The following SRCIN1 variants were observed in gnomAD, a reference collection of about 807,000 sequenced individuals.
SRCIN1 encodes P130Cas-associated protein.
In SRCIN1, 50 loss-of-function variants were observed where a neutral mutation model predicts 116.2. That is an observed-to-expected ratio of 0.43 (90% CI 0.34 to 0.54). SRCIN1 has a LOEUF of 0.54. Ranked by LOEUF, SRCIN1 falls within the 20% of genes least tolerant of loss-of-function variation. The probability of loss-of-function intolerance (pLI) is 0.02; values close to 1 mark genes in which losing one functional copy is unlikely to be tolerated. For synonymous variants in SRCIN1, 736 were observed against 750.0 expected (o/e 0.98, Z 0.30); for missense variants, 1,446 against 1,672.0 (o/e 0.86, Z 2.36).
intron 1 of SRCIN1, among the ~76,000 whole-genome samples, chr17:38,603,379 G>A (rs1909172927): frequency 6.6e-6 from 1 of 150,814 alleles, no homozygotes; most frequent in Admixed American, 6.6e-5. Flanking sequence ...CAAGTAGAGG[G>A]GCAGGGGAAA....
intron 3 of SRCIN1, among the ~76,000 whole-genome samples, chr17:38,565,784 C>A (rs72823873): frequency 6.6e-6 from 1 of 152,208 alleles, no homozygotes; most frequent in Non-Finnish European, 1.5e-5. Context: ...ATAGATCAGA[C>A]GTGGGGACAT....
Position 38,563,974 on chromosome 17 carries a change from G to T in SRCIN1, c.541+144C>A. 1 of 897,760 alleles carries T rather than the reference G, an allele frequency of 1.1e-6. No individual in the cohort carries two copies. The highest frequency in any genetic ancestry group is 1.7e-6 in the Non-Finnish European group (1 of 589,954). 55.6% of individuals were successfully genotyped at this position (897,760 alleles called of 1,614,324 possible). A position where few individuals can be genotyped will look rare whatever the true frequency, so the allele number is the denominator to read the frequency against. ...GCGAGAGAGAGATGGAGAGAGCTGG[G>T]GTTGCTTGGGGAGAAGGGGCTGTGG... On this transcript the variant is annotated intron_variant, in intron 4 of 18. Coordinates refer to ENST00000617146, the MANE Select transcript of SRCIN1 (RefSeq NM_025248.3). The surrounding 1 kb of genome is among the most constrained non-coding windows in gnomAD (Gnocchi z 5.8).
chr17:38,567,604 G>A (rs554780754), intron 3 of SRCIN1, among the ~76,000 whole-genome samples: 1 of 152,094 alleles, frequency 6.6e-6, no homozygotes, highest in Non-Finnish European at 1.5e-5. Context: ...TCTCCCAGGG[G>A]TCAACAGGAT....
Position 38,602,072 on chromosome 17 carries a change from C to T in SRCIN1, c.22+3612G>A, listed in dbSNP as rs147205104. On this transcript the variant is annotated intron_variant, in intron 1 of 18. Transcript: ENST00000617146. The surrounding 1 kb of genome is among the most constrained non-coding windows in gnomAD (Gnocchi z 4.2). ...GGGGAGTGCTCTGGAGCCCAGGTAT[C>T]GGGTAGAGGAACCCTGACCCCGAGG... is the stretch of plus-strand genomic sequence containing the variant. Among the ~76,000 whole-genome samples, 561 of 152,174 alleles carry T rather than the reference C, an allele frequency of 3.7e-3. 2 individuals carry two copies. The highest frequency in any genetic ancestry group is 0.013 in the African/African-American group (542 of 41,482).
rs1567870203 is a variant in SRCIN1 at position 38,568,239 on chromosome 17, TG to T, written c.325-9del. 1 of 1,612,474 alleles carries T rather than the reference TG, an allele frequency of 6.2e-7. No individual in the cohort carries two copies. The highest frequency in any genetic ancestry group is 8.5e-7 in the Non-Finnish European group (1 of 1,179,464). On this transcript the variant is annotated splice_polypyrimidine_tract_variant and intron_variant, in intron 2 of 18. Coordinates refer to ENST00000617146, the MANE Select transcript of SRCIN1 (RefSeq NM_025248.3). The surrounding 1 kb of genome is among the most constrained non-coding windows in gnomAD (Gnocchi z 4.5). ...GAAACTCCAGTAGTTTGGCTGCTGATGGAAATAAGAGAAGAGATGGTTATGA... is the reference window on the plus strand; with the variant it reads ...GAAACTCCAGTAGTTTGGCTGCTGATGAAATAAGAGAAGAGATGGTTATGA...
chr17:38,566,040 G>A (rs150026992), intron 3 of SRCIN1, among the ~76,000 whole-genome samples: 78 of 152,288 alleles, frequency 5.1e-4, no homozygotes, highest in Admixed American at 1.0e-3. Context: ...CTGGTCTGGT[G>A]GTCATGGGGT....
Position 38,604,550 on chromosome 17 carries a change from G to A in SRCIN1, c.22+1134C>T, listed in dbSNP as rs1463679310. 2 of 454,642 alleles carry A rather than the reference G, an allele frequency of 4.4e-6. No homozygotes were observed. The highest frequency in any genetic ancestry group is 7.1e-5 in the East Asian group (1 of 14,178). The allele number at this position is 454,642 out of a possible 1,614,324, so 28.2% of individuals were successfully genotyped here. The stretch of plus-strand genomic sequence containing the variant: ...GGGAGAGCGGGCTCTGCCCTCCGCC[G>A]TCCTCTCCCACCAGGCCAGGGCAAA... On this transcript the variant is annotated intron_variant, in intron 1 of 18. Coordinates refer to ENST00000617146, the MANE Select transcript of SRCIN1 (RefSeq NM_025248.3). This position sits in a 1 kb window ranked among gnomAD's most constrained non-coding sequence, Gnocchi z 4.3.
rs758442857 is a variant in SRCIN1 at position 38,561,890 on chromosome 17, C to A, written c.1273G>T (p.Gly425Cys). The change falls in exon 7 of 19, where the codon GGC becomes TGC. Residue 425 changes from glycine (G) to cysteine (C), a missense_variant. Around this residue, in one of 5 missense-constraint regions of SRCIN1, gnomAD observed 239 missense variants for 317.7 expected, o/e 0.75. Coordinates refer to ENST00000617146, the MANE Select transcript of SRCIN1 (RefSeq NM_025248.3). ...CGCACCGAGCCGCGCTTGTAGAGGC[C>A]GCCGGCGCCCGGGTAGGCGAACGGG... The part of the protein sequence containing the change: ...GDPFAYPGAG[G>C]LYKRGSVRSL... The A allele has an allele frequency of 1.4e-6, 2 of 1,444,666 alleles. No homozygotes were observed. Among genetic ancestry groups the A allele is most frequent in the Middle Eastern group, 2.4e-4 (1 of 4,126 alleles). 89.5% of individuals were successfully genotyped at this position (1,444,666 alleles called of 1,614,324 possible).
Position 38,552,764 on chromosome 17 carries a change from C to T in SRCIN1, c.2293G>A (p.Val765Met). 1 of 1,614,008 alleles carries T rather than the reference C, an allele frequency of 6.2e-7. No individual in the cohort carries two copies. Among genetic ancestry groups the T allele is most frequent in the African/African-American group, 1.3e-5 (1 of 75,056 alleles). The stretch of plus-strand genomic sequence containing the variant: ...AGCGTCTCCCCGAGCTGCTTCAGCA[C>T]CAGTGCCTTCTCCTCCAGCTCAGGG... ...PGPELEEKAL[V>M]LKQLGETLTE... Residue 765 changes from valine to methionine, a missense_variant, in exon 12 of 19, where the codon GTG becomes ATG. Val to Met is a conservative substitution (Grantham distance 21). Transcript: ENST00000617146. This position sits in a 1 kb window ranked among gnomAD's most constrained non-coding sequence, Gnocchi z 5.3.
Position 38,578,388 on chromosome 17 carries a change from C to T in SRCIN1, c.324+102G>A, listed in dbSNP as rs1438600705. On this transcript the variant is annotated intron_variant, in intron 2 of 18. Transcript: ENST00000617146. ...TTCCCTCTCTGCTCCAGATGCCTCCCAGAGTTGGAATGAGCCTGGGGACAC... is the reference window on the plus strand; with the variant it reads ...TTCCCTCTCTGCTCCAGATGCCTCCTAGAGTTGGAATGAGCCTGGGGACAC... 2.2e-6 allele frequency: 3 copies of T among 1,372,354 alleles called. No individual in the cohort carries two copies. The African/African-American group carries it at 4.5e-5, about 20-fold the overall frequency. 85.0% of individuals were successfully genotyped at this position (1,372,354 alleles called of 1,614,324 possible).
chr17:38,553,375 C>T (rs1178317821), intron 11 of SRCIN1, among the ~76,000 whole-genome samples: 1 of 152,258 alleles, frequency 6.6e-6, no homozygotes, highest in African/African-American at 2.4e-5. Flanking sequence ...CCTGCACCAT[C>T]TGCCCCCTTG....
At chr17:38,605,262 CT>C (rs1909295199) in intron 1 of SRCIN1, among the ~76,000 whole-genome samples, 1 of 150,814 alleles carries the variant, frequency 6.6e-6, no homozygotes, top group Admixed American at 6.6e-5. Flanking sequence ...TTCCCCTCCC[CT>C]GCATCCTCCA....
chr17:38,578,561 C>T lies in SRCIN1; in HGVS notation c.253G>A (p.Asp85Asn), dbSNP rs754614937. ...TGTGGGTACTTGCTCTTCAGGTGGTCCATGAAGGCATCACGCTTGCGGTCG... is the reference window on the plus strand; with the variant it reads ...TGTGGGTACTTGCTCTTCAGGTGGTTCATGAAGGCATCACGCTTGCGGTCG... ...DADRKRDAFM[D>N]HLKSKYPQHA... The change falls in exon 2 of 19, where the codon GAC (aspartate) becomes AAC (asparagine). Residue 85 changes from aspartate (D) to asparagine (N), a missense_variant. Physicochemically the swap from Asp to Asn is conservative, Grantham distance 23. Around this residue, in one of 5 missense-constraint regions of SRCIN1, gnomAD observed 246 missense variants for 265.1 expected, o/e 0.93. Coordinates refer to ENST00000617146, the MANE Select transcript of SRCIN1 (RefSeq NM_025248.3). The T allele has an allele frequency of 5.6e-6, 9 of 1,611,124 alleles. No individual in the cohort carries two copies. The highest frequency in any genetic ancestry group is 2.2e-5 in the East Asian group (1 of 44,778).
chr17:38,531,330 GCCCGCCCCCCAGCCCCCCTCC>G lies in SRCIN1; in HGVS notation c.*1946_*1966del, dbSNP rs1372752615. Reference sequence around the variant, plus strand: ...GGGACCACAGAAGCCAGGCCGACGTGCCCGCCCCCCAGCCCCCCTCCCCCGCCAAAACAGTGGCCAGGGAGA... The same window carrying G: ...GGGACCACAGAAGCCAGGCCGACGTGCCCGCCAAAACAGTGGCCAGGGAGA... On this transcript the variant is annotated 3_prime_UTR_variant, in exon 19 of 19. Coordinates refer to ENST00000617146, the MANE Select transcript of SRCIN1 (RefSeq NM_025248.3). The G allele has an allele frequency of 6.0e-5, 9 of 150,378 alleles. No individual in the cohort carries two copies. The East Asian group carries it at 1.8e-3, about 29-fold the overall frequency. The allele number at this position is 150,378 out of a possible 1,614,324, so 9.3% of individuals were successfully genotyped here. A position where few individuals can be genotyped will look rare whatever the true frequency, so the allele number is the denominator to read the frequency against.
intron 1 of SRCIN1, among the ~76,000 whole-genome samples, chr17:38,593,293 C>T (rs1281130351): frequency 1.3e-5 from 2 of 152,060 alleles, no homozygotes; most frequent in African/African-American, 4.8e-5. Flanking sequence ...GGCTGCAGCA[C>T]GGACTCCTCA....
At chr17:38,595,438 G>C (rs556006819) in intron 1 of SRCIN1, among the ~76,000 whole-genome samples, 1 of 152,132 alleles carries the variant, frequency 6.6e-6, no homozygotes, top group Admixed American at 6.5e-5. Flanking sequence ...GGCTGGTCTC[G>C]AACTCCTGAC....
intron 11 of SRCIN1, among the ~76,000 whole-genome samples, chr17:38,557,496 C>T (rs1312065359): frequency 6.6e-6 from 1 of 152,142 alleles, no homozygotes; most frequent in African/African-American, 2.4e-5. Context: ...TGTCTCAGAT[C>T]CTTATCACTG....
At chr17:38,547,061 G>T (rs1179658590) in intron 17 of SRCIN1, among the ~76,000 whole-genome samples, 2 of 152,240 alleles carry the variant, frequency 1.3e-5, no homozygotes, top group African/African-American at 4.8e-5. Flanking sequence ...GAGGAAATAA[G>T]TGCAGCAGGA....
chr17:38,545,500 A>C (rs1905024171), intron 17 of SRCIN1: 1 of 152,684 alleles, frequency 6.5e-6, no homozygotes, highest in African/African-American at 2.4e-5. Flanking sequence ...TGATTCCTAC[A>C]ACCAAACCCC....
Sources: gnomAD v4.1 joint callset for allele counts (sites outside exome capture counted in the v4.1 genomes callset) on GRCh38, gnomAD v4.1.1 for gene constraint, gnomAD v4.1.1 regional missense constraint, Gnocchi (gnomAD v3.1) non-coding constraint, MANE v1.5 for transcripts, NCBI Gene and HGNC (gene_info 2026-07-23, HGNC 2026-07-21) for gene names.